The following PIEZO2 variants were observed in gnomAD, a reference collection of about 807,000 sequenced individuals.
PIEZO2 encodes piezo type mechanosensitive ion channel component 2, also known as piezo-type mechanosensitive ion channel component 2.
A neutral mutation model predicts 337.3 loss-of-function variants in PIEZO2; 172 were observed. The observed-to-expected ratio is 0.51, with a 90% CI of 0.45 to 0.58. The LOEUF is 0.58. Among genes scored for constraint, PIEZO2 ranks in the 20% least tolerant of loss-of-function variants. PIEZO2 has a pLI of 0.00. For missense variants in PIEZO2, 3,028 were observed against 3,391.3 expected (o/e 0.89, Z 2.66); for synonymous variants, 1,251 against 1,228.5 (o/e 1.02, Z -0.38).
chr18:10,949,576 C>T (rs763912107), intron 3 of PIEZO2, among the ~76,000 whole-genome samples: 2 of 152,190 alleles, frequency 1.3e-5, no homozygotes, highest in Non-Finnish European at 2.9e-5. Context: ...AGCCCTGCAC[C>T]ACATTTTTCT....
intron 4 of PIEZO2, among the ~76,000 whole-genome samples, chr18:10,873,281 CA>C (rs1374073405): frequency 6.6e-6 from 1 of 152,118 alleles, no homozygotes; most frequent in African/African-American, 2.4e-5. Flanking sequence ...TTAATCCAAC[CA>C]ACCATCATAT....
intron 2 of PIEZO2, among the ~76,000 whole-genome samples, chr18:11,049,744 G>A (rs141126185): frequency 6.6e-6 from 1 of 152,164 alleles, no homozygotes; most frequent in South Asian, 2.1e-4. Flanking sequence ...CTTCTGTCTT[G>A]CCTGCCACCA....
At chr18:10,908,078 A>C (rs991090576) in intron 4 of PIEZO2, among the ~76,000 whole-genome samples, 13 of 152,242 alleles carry the variant, frequency 8.5e-5, no homozygotes, top group Non-Finnish European at 1.6e-4. Flanking sequence ...GAGTACAGCC[A>C]CATAAACTGT....
At position 10,713,403 on chromosome 18, in the gene PIEZO2, G is replaced by T. The variant is rs1440812541; in HGVS notation, c.5423+1361C>A. 1.3e-5 allele frequency among the ~76,000 whole-genome samples: 2 copies of T among 151,948 alleles called. No individual in the cohort carries two copies. Among genetic ancestry groups the T allele is most frequent in the Non-Finnish European group, 2.9e-5 (2 of 67,990 alleles). On this transcript the variant is annotated intron_variant, in intron 39 of 55. Transcript: ENST00000674853. This position sits in a 1 kb window ranked among gnomAD's most constrained non-coding sequence, Gnocchi z 4.5. Reference sequence around the variant, plus strand: ...ACTCAGTTTGTAATTCCAACATCCAGTTGTCTATTTTGGGTTTGATATCAA... The same window carrying T: ...ACTCAGTTTGTAATTCCAACATCCATTTGTCTATTTTGGGTTTGATATCAA...
At chr18:11,014,464 C>T (rs1302083956) in intron 2 of PIEZO2, among the ~76,000 whole-genome samples, 3 of 149,118 alleles carry the variant, frequency 2.0e-5, no homozygotes, top group East Asian at 4.1e-4. Flanking sequence ...GAACATGTCA[C>T]CCTGGGTGGG....
chr18:10,678,738 A>G (rs534226726), intron 52 of PIEZO2, among the ~76,000 whole-genome samples: 30 of 152,276 alleles, frequency 2.0e-4, no homozygotes, highest in Non-Finnish European at 2.1e-4. Flanking sequence ...CTTTCTACCA[A>G]CACAAGGAAA....
Position 11,142,348 on chromosome 18 carries a change from G to A in PIEZO2, c.64+6177C>T, listed in dbSNP as rs117320601. 2.6e-5 allele frequency among the ~76,000 whole-genome samples: 4 copies of A among 152,328 alleles called. No homozygotes were observed. In the East Asian group the frequency reaches 7.7e-4, roughly 29 times the overall value. Reference sequence around the variant, plus strand: ...AGAAATTATGAAATTATTAGACACTGTGTCTCTGACGGGCTTTTCACGATG... The same window carrying A: ...AGAAATTATGAAATTATTAGACACTATGTCTCTGACGGGCTTTTCACGATG... On this transcript the variant is annotated intron_variant, in intron 1 of 55. Transcript: ENST00000674853.
chr18:10,741,043 C>G lies in PIEZO2; in HGVS notation c.4696G>C (p.Asp1566His), dbSNP rs1171067948. 6.5e-7 allele frequency: 1 copy of G among 1,536,700 alleles called. No homozygotes were observed. Among genetic ancestry groups the G allele is most frequent in the African/African-American group, 1.4e-5 (1 of 73,156 alleles). ...KKKQWWRPWV[D>H]HASMVRSGDY... ...CGAGAAAACCTACTGGAAGCATGATCAACCCAAGGCCGCCACCACTGCTTT... is the reference window on the plus strand; with the variant it reads ...CGAGAAAACCTACTGGAAGCATGATGAACCCAAGGCCGCCACCACTGCTTT... Residue 1566 changes from aspartate (D) to histidine (H), a missense_variant, in exon 33 of 56, where the codon GAT (aspartate) becomes CAT (histidine). Asp to His is a moderately conservative substitution (Grantham distance 81). Transcript: ENST00000674853.
Position 10,741,064 on chromosome 18 carries a change from G to A in PIEZO2, c.4675C>T (p.Gln1559Ter). Residue 1559 changes from glutamine to a stop codon, truncating the protein, a stop_gained, in exon 33 of 56, where the codon CAG becomes TAG. Coordinates refer to ENST00000674853, the MANE Select transcript of PIEZO2 (RefSeq NM_001378183.1). LOFTEE classifies it high-confidence loss of function. ...TGATCAACCCAAGGCCGCCACCACTGCTTTTTTTTGCCCTTGGCTTTCTGT... is the reference window on the plus strand; with the variant it reads ...TGATCAACCCAAGGCCGCCACCACTACTTTTTTTTGCCCTTGGCTTTCTGT... ...DKQKAKGKKK[Q>*]WWRPWVDHAS... 6.5e-7 allele frequency: 1 copy of A among 1,536,956 alleles called. No individual in the cohort carries two copies. The highest frequency in any genetic ancestry group is 1.2e-5 in the South Asian group (1 of 84,000).
chr18:10,874,760 T>G (rs1159365211), intron 4 of PIEZO2, among the ~76,000 whole-genome samples: 3 of 152,024 alleles, frequency 2.0e-5, no homozygotes, highest in Admixed American at 2.0e-4. Context: ...GCTAAAAAAG[T>G]GGATCTCATA....
intron 3 of PIEZO2, among the ~76,000 whole-genome samples, chr18:10,934,284 G>A (rs377352493): frequency 1.3e-5 from 2 of 152,184 alleles, no homozygotes; most frequent in African/African-American, 4.8e-5. Flanking sequence ...GTGACGAAGG[G>A]CAGGCATTGT....
intron 1 of PIEZO2, among the ~76,000 whole-genome samples, chr18:11,073,493 C>T (rs1350655213): frequency 6.6e-6 from 1 of 152,172 alleles, no homozygotes; most frequent in Non-Finnish European, 1.5e-5. Flanking sequence ...CAAAAGCCAC[C>T]CGAGTCAGCT....
intron 3 of PIEZO2, among the ~76,000 whole-genome samples, chr18:10,913,336 T>C (rs563560475): frequency 6.6e-6 from 1 of 151,894 alleles, no homozygotes; most frequent in East Asian, 1.9e-4. Flanking sequence ...GAGATGAGGG[T>C]CTCCTACCAA....
At position 10,808,230 on chromosome 18, in the gene PIEZO2, A is replaced by G. The variant is rs527894007; in HGVS notation, c.918-956T>C. 2.0e-5 allele frequency among the ~76,000 whole-genome samples: 3 copies of G among 152,280 alleles called. No homozygotes were observed. In the East Asian group the frequency reaches 5.8e-4, roughly 29 times the overall value. Reference sequence around the variant, plus strand: ...TGGCCTCCCAAGTCGCTAGGAACACAAGGGTATGCCACCATACCCAACTAT... The same window carrying G: ...TGGCCTCCCAAGTCGCTAGGAACACGAGGGTATGCCACCATACCCAACTAT... On this transcript the variant is annotated intron_variant, in intron 7 of 55. Coordinates refer to ENST00000674853, the MANE Select transcript of PIEZO2 (RefSeq NM_001378183.1).
chr18:10,990,883 G>A (rs2035064229), intron 2 of PIEZO2, among the ~76,000 whole-genome samples: 1 of 151,380 alleles, frequency 6.6e-6, no homozygotes, highest in Admixed American at 6.6e-5. Flanking sequence ...TTCTTTTTAT[G>A]CTTTTTTAGA....
Position 11,143,639 on chromosome 18 carries a change from A to ACACTCTCT in PIEZO2, c.64+4885_64+4886insAGAGAGTG, listed in dbSNP as rs1473731967. Reference sequence around the variant, plus strand: ...CACACACACACACACACACACACACACTCTCTCTCTCTCTCTCTCTCTCTC... The same window carrying ACACTCTCT: ...CACACACACACACACACACACACACACACTCTCTCTCTCTCTCTCTCTCTCTCTCTCTC... On this transcript the variant is annotated intron_variant, in intron 1 of 55. Transcript: ENST00000674853. This position sits in a 1 kb window ranked among gnomAD's most constrained non-coding sequence, Gnocchi z 4.9. 3.2e-5 allele frequency among the ~76,000 whole-genome samples: 3 copies of ACACTCTCT among 92,804 alleles called. No homozygotes were observed. The highest frequency in any genetic ancestry group is 5.3e-5 in the African/African-American group (1 of 18,760). The allele number at this position is 92,804 out of a possible 152,430, so 60.9% of individuals were successfully genotyped here.
intron 47 of PIEZO2, among the ~76,000 whole-genome samples, chr18:10,693,436 C>T (rs1165760544): frequency 6.6e-6 from 1 of 151,788 alleles, no homozygotes; most frequent in Non-Finnish European, 1.5e-5. Context: ...GCAGCGCAAT[C>T]TCAGCTCACT....
chr18:10,895,575 T>C lies in PIEZO2; in HGVS notation c.329+15611A>G, dbSNP rs1368253523. Among the ~76,000 whole-genome samples, 2 of 152,214 alleles carry C rather than the reference T, an allele frequency of 1.3e-5. No homozygotes were observed. Among genetic ancestry groups the C allele is most frequent in the Non-Finnish European group, 2.9e-5 (2 of 68,038 alleles). Reference sequence around the variant, plus strand: ...ATGGTGCCGTTTGTTGGGGTACCTGTGCAGCAGTAGCAGTGCCGTGTGGGG... The same window carrying C: ...ATGGTGCCGTTTGTTGGGGTACCTGCGCAGCAGTAGCAGTGCCGTGTGGGG... On this transcript the variant is annotated intron_variant, in intron 4 of 55. Transcript: ENST00000674853. The surrounding 1 kb of genome is among the most constrained non-coding windows in gnomAD (Gnocchi z 4.8).
chr18:10,738,638 C>T (rs1396170002), intron 33 of PIEZO2: 1 of 152,168 alleles, frequency 6.6e-6, no homozygotes, highest in Non-Finnish European at 1.5e-5. Flanking sequence ...AACCTGACTC[C>T]AGCCTGTGTC....
Sources: allele counts gnomAD v4.1 joint callset (sites outside exome capture counted in the v4.1 genomes callset), GRCh38; gene constraint gnomAD v4.1.1; non-coding constraint Gnocchi (gnomAD v3.1); transcripts MANE v1.5; gene names NCBI Gene and HGNC (gene_info 2026-07-23, HGNC 2026-07-21).